TNC: variants seen among roughly 807,000 people sequenced by gnomAD.
TNC encodes the protein tenascin.
TNC carries 109 observed loss-of-function variants against 202.4 expected under a neutral mutation model. The ratio of observed to expected loss-of-function variants is 0.54; its 90% CI spans 0.46 to 0.63. The LOEUF (loss-of-function observed/expected upper bound fraction) is 0.63, where lower values mean the gene tolerates loss of function less well. Among genes scored for constraint, TNC ranks in the 30% least tolerant of loss-of-function variants. The pLI is 0.00. For synonymous variants in TNC, 1,007 were observed against 1,089.7 expected (o/e 0.92, Z 1.50); for missense variants, 2,756 against 2,833.3 (o/e 0.97, Z 0.62).
chr9:115,084,135 C>G (rs772814598), intron 4 of TNC, 74 bp downstream of exon 4: 2 of 1,493,768 alleles, frequency 1.3e-6, no homozygotes, highest in Non-Finnish European at 1.8e-6. Context: ...TTGTAGGGGC[C>G]GTGGCGAGGG....
chr9:115,069,324 T>C (rs904730682), intron 10 of TNC, among the ~76,000 whole-genome samples: 1 of 152,120 alleles, frequency 6.6e-6, no homozygotes, highest in Non-Finnish European at 1.5e-5. Flanking sequence ...CTGTCTCTTA[T>C]GGCATGCAGC....
chr9:115,045,406 G>A (rs1041674809), intron 17 of TNC, among the ~76,000 whole-genome samples: 9 of 151,868 alleles, frequency 5.9e-5, no homozygotes, highest in South Asian at 2.1e-4. Flanking sequence ...TTGCTCTGTC[G>A]TCCAGGTGGG....
At chr9:115,110,014 G>A (rs1374537205) in intron 1 of TNC, among the ~76,000 whole-genome samples, 1 of 152,020 alleles carries the variant, frequency 6.6e-6, no homozygotes, top group Non-Finnish European at 1.5e-5. Context: ...TTGTCAAGAG[G>A]GGCAGACAGG....
In TNC at chr9:115,056,046, G is replaced by A. The variant is rs1234452568; in HGVS notation, c.4579+1107C>T. Among the ~76,000 whole-genome samples the A allele has an allele frequency of 2.0e-5, 3 of 152,280 alleles. No individual in the cohort carries two copies. In the East Asian group the frequency reaches 5.8e-4, roughly 29 times the overall value. The stretch of plus-strand genomic sequence containing the variant: ...CCCTGACGACAATTTGTAGCCTCAT[G>A]TAGAATGAGGACAGACCCTCTCTCA... On this transcript the variant is annotated intron_variant, in intron 15 of 27. Transcript: ENST00000350763.
intron 12 of TNC, among the ~76,000 whole-genome samples, chr9:115,063,590 G>A (rs1399669974): frequency 6.6e-6 from 1 of 152,096 alleles, no homozygotes; most frequent in African/African-American, 2.4e-5. Flanking sequence ...TTTAAAGGAG[G>A]AGTAGGTGGA....
In TNC at chr9:115,077,991, G is replaced by A. The variant is rs753181472; in HGVS notation, c.2626C>T (p.Arg876Cys). The A allele has an allele frequency of 6.2e-6, 10 of 1,614,200 alleles. No homozygotes were observed. The highest frequency in any genetic ancestry group is 4.5e-5 in the East Asian group (2 of 44,886). Residue 876 changes from arginine (R) to cysteine (C), a missense_variant, in exon 7 of 28, where the codon CGC becomes TGC. Physicochemically the swap from Arg to Cys is radical, Grantham distance 180. Coordinates refer to ENST00000350763, the MANE Select transcript of TNC (RefSeq NM_002160.4). ...DTEYEVSLIS[R>C]RGDMSSNPAK... ...GGGTTGCTTGACATGTCACCTCTGCGGGAGATGAGGGACACCTCGTACTCA... is the reference window on the plus strand; with the variant it reads ...GGGTTGCTTGACATGTCACCTCTGCAGGAGATGAGGGACACCTCGTACTCA...
intron 12 of TNC, 46 bp from the exon 13 acceptor site, chr9:115,063,235 C>T: frequency 2.5e-6 from 4 of 1,598,678 alleles, no homozygotes; most frequent in Non-Finnish European, 3.4e-6. Flanking sequence ...AAGGCAATTG[C>T]ACGCTGGGAT....
chr9:115,065,228 T>G (rs1351142811), intron 10 of TNC, among the ~76,000 whole-genome samples: 2 of 152,022 alleles, frequency 1.3e-5, no homozygotes, highest in African/African-American at 4.8e-5. Flanking sequence ...AAACCCTGTC[T>G]CTACTAAAAA....
chr9:115,023,258 G>C (rs1829224345), intron 27 of TNC, among the ~76,000 whole-genome samples: 1 of 152,194 alleles, frequency 6.6e-6, no homozygotes, highest in Non-Finnish European at 1.5e-5. Flanking sequence ...AACTTCTGTG[G>C]AGGGACCTGG....
At chr9:115,063,436 A>G (rs1360328079) in intron 12 of TNC, among the ~76,000 whole-genome samples, 3 of 152,218 alleles carry the variant, frequency 2.0e-5, no homozygotes, top group Non-Finnish European at 2.9e-5. Flanking sequence ...TGACATACAA[A>G]TAGGGCTATG....
chr9:115,071,353 G>A (rs766732224), intron 10 of TNC, among the ~76,000 whole-genome samples: 14 of 152,204 alleles, frequency 9.2e-5, no homozygotes, highest in African/African-American at 2.9e-4. Flanking sequence ...CTTTAAATAC[G>A]AAACATGATA....
chr9:115,070,758 T>C (rs932648166), intron 10 of TNC, among the ~76,000 whole-genome samples: 2 of 152,252 alleles, frequency 1.3e-5, no homozygotes, highest in African/African-American at 2.4e-5. Flanking sequence ...TTGCTTCTGA[T>C]GGTTGAACCT....
intron 27 of TNC, among the ~76,000 whole-genome samples, chr9:115,022,957 C>T (rs1028662475): frequency 6.6e-6 from 1 of 151,884 alleles, no homozygotes; most frequent in Non-Finnish European, 1.5e-5. Context: ...GGTCCCAACA[C>T]CTGCTGCATG....
chr9:115,023,727 C>T (rs530858518), intron 27 of TNC, among the ~76,000 whole-genome samples: 1 of 152,304 alleles, frequency 6.6e-6, no homozygotes, highest in Admixed American at 6.5e-5. Context: ...GTAAAGCGTT[C>T]TGTTTTTGGA....
At chr9:115,056,031 A>T (rs1251815809) in intron 15 of TNC, among the ~76,000 whole-genome samples, 1 of 152,112 alleles carries the variant, frequency 6.6e-6, no homozygotes, top group African/African-American at 2.4e-5. Flanking sequence ...CCCTGACGAC[A>T]ATTTGTAGCC....
intron 10 of TNC, among the ~76,000 whole-genome samples, chr9:115,068,175 T>G (rs1372194994): frequency 6.6e-6 from 1 of 152,218 alleles, no homozygotes; most frequent in African/African-American, 2.4e-5. Flanking sequence ...AGAAGCCAAG[T>G]GTTTCCATTA....
At chr9:115,026,491 G>A (rs775824783) in intron 26 of TNC, 43 bp downstream of exon 26, 11 of 1,584,996 alleles carry the variant, frequency 6.9e-6, no homozygotes, top group Middle Eastern at 1.7e-4. Flanking sequence ...TGTCAAGAAG[G>A]TCTCCATGGC....
chr9:115,041,315 A>AGAGG (rs1830737472), intron 18 of TNC, among the ~76,000 whole-genome samples: 1 of 122,746 alleles, frequency 8.1e-6, no homozygotes. Context: ...GGGGCGGGGG[A>AGAGG]AAACATGAAG....
At chr9:115,025,707 G>T (rs1244139582) in intron 26 of TNC, among the ~76,000 whole-genome samples, 1 of 152,190 alleles carries the variant, frequency 6.6e-6, no homozygotes, top group Non-Finnish European at 1.5e-5. Context: ...TTCATAAAAT[G>T]GTTTTATGAG....
Sources: allele counts gnomAD v4.1 joint callset (sites outside exome capture counted in the v4.1 genomes callset), GRCh38; gene constraint gnomAD v4.1.1; transcripts MANE v1.5; gene names NCBI Gene and HGNC (gene_info 2026-07-23, HGNC 2026-07-21).